Variants in CAMK1D observed in about 807,000 individuals in gnomAD.
CAMK1D encodes calcium/calmodulin dependent protein kinase ID.
Under a neutral mutation model 47.7 loss-of-function variants are expected in CAMK1D, and 9 were observed. That is an observed-to-expected ratio of 0.19 (90% confidence interval 0.11 to 0.33). The LOEUF is 0.33. CAMK1D is among the 10% of genes least tolerant of loss of function. CAMK1D has a pLI of 1.00. For synonymous variants in CAMK1D, 184 were observed against 184.9 expected (o/e 0.99, Z 0.04); for missense variants, 291 against 488.7 (o/e 0.60, Z 3.81).
At chr10:12,580,429 G>A (rs1299018226) in intron 2 of CAMK1D, among the ~76,000 whole-genome samples, 1 of 145,812 alleles carries the variant, frequency 6.9e-6, no homozygotes, top group East Asian at 2.1e-4. Context: ...AGTATTTGGT[G>A]TACAAAGCTA....
At chr10:12,359,269 G>A (rs1182533313) in intron 1 of CAMK1D, among the ~76,000 whole-genome samples, 1 of 152,236 alleles carries the variant, frequency 6.6e-6, no homozygotes, top group East Asian at 1.9e-4. Flanking sequence ...TGAGAGCCGT[G>A]TGTGGCACGT....
chr10:12,480,517 A>G (rs28449606), intron 1 of CAMK1D, among the ~76,000 whole-genome samples: 1 of 152,210 alleles, frequency 6.6e-6, no homozygotes, highest in South Asian at 2.1e-4. Context: ...AGGTACCTCT[A>G]ATAGCAATCC....
intron 3 of CAMK1D, among the ~76,000 whole-genome samples, chr10:12,742,324 G>A (rs1174315492): frequency 2.0e-5 from 3 of 151,968 alleles, no homozygotes; most frequent in African/African-American, 4.8e-5. Flanking sequence ...TAGTAGAGAC[G>A]GGGTCTCACC....
intron 1 of CAMK1D, among the ~76,000 whole-genome samples, chr10:12,392,525 A>T (rs192048529): frequency 9.1e-4 from 138 of 152,192 alleles, no homozygotes; most frequent in African/African-American, 3.1e-3. Flanking sequence ...ACATTATAGC[A>T]TTTGTCAGAA....
intron 8 of CAMK1D, among the ~76,000 whole-genome samples, chr10:12,817,724 T>C (rs1832853522): frequency 6.6e-6 from 1 of 152,192 alleles, no homozygotes; most frequent in Non-Finnish European, 1.5e-5. Flanking sequence ...AGATGGAGTC[T>C]CCGTCACCCA....
intron 2 of CAMK1D, among the ~76,000 whole-genome samples, chr10:12,588,803 CACACACAT>C (rs559141410): frequency 0.021 from 3,125 of 151,214 alleles, 105 homozygotes; most frequent in African/African-American, 0.072. Flanking sequence ...CACACACACA[CACACACAT>C]ACACACATGC....
At chr10:12,575,457 A>G (rs1299201994) in intron 2 of CAMK1D, among the ~76,000 whole-genome samples, 3 of 152,132 alleles carry the variant, frequency 2.0e-5, no homozygotes, top group African/African-American at 7.2e-5. Flanking sequence ...TGCTTTCCAA[A>G]TGTCCATCTC....
chr10:12,362,658 T>C (rs1160439546), intron 1 of CAMK1D, among the ~76,000 whole-genome samples: 2 of 151,956 alleles, frequency 1.3e-5, no homozygotes, highest in Admixed American at 6.6e-5. Flanking sequence ...CCATGATGCC[T>C]GGCTAATTTT....
intron 2 of CAMK1D, among the ~76,000 whole-genome samples, chr10:12,600,007 G>C (rs1460520866): frequency 6.6e-6 from 1 of 152,174 alleles, no homozygotes; most frequent in Non-Finnish European, 1.5e-5. Flanking sequence ...TAGGAGGCTG[G>C]GGCAGGAGGA....
At chr10:12,671,105 A>T (rs1840603048) in intron 3 of CAMK1D, among the ~76,000 whole-genome samples, 1 of 152,206 alleles carries the variant, frequency 6.6e-6, no homozygotes, top group South Asian at 2.1e-4. Context: ...TTACAAGATT[A>T]ATCCATATTG....
At chr10:12,405,819 T>C (rs1383198402) in intron 1 of CAMK1D, among the ~76,000 whole-genome samples, 1 of 152,250 alleles carries the variant, frequency 6.6e-6, no homozygotes, top group Admixed American at 6.5e-5. Context: ...TTGTTAAACA[T>C]TTATTACAAG....
intron 1 of CAMK1D, among the ~76,000 whole-genome samples, chr10:12,429,583 A>C (rs911691040): frequency 2.0e-5 from 3 of 151,582 alleles, no homozygotes; most frequent in African/African-American, 7.3e-5. Context: ...CAGGTGATCC[A>C]CTCACCTCAG....
chr10:12,373,609 G>T (rs1010606509), intron 1 of CAMK1D, among the ~76,000 whole-genome samples: 1 of 152,184 alleles, frequency 6.6e-6, no homozygotes, highest in East Asian at 1.9e-4. Context: ...TCCAGCCCGG[G>T]TGACAGAGGG....
chr10:12,812,820 G>A (rs1464873461), intron 6 of CAMK1D, among the ~76,000 whole-genome samples: 1 of 152,146 alleles, frequency 6.6e-6, no homozygotes, highest in Non-Finnish European at 1.5e-5. Flanking sequence ...CCCCAAGCAT[G>A]TTCTAGGTCT....
At chr10:12,803,291 GGCT>G (rs1838564324) in intron 6 of CAMK1D, among the ~76,000 whole-genome samples, 1 of 152,206 alleles carries the variant, frequency 6.6e-6, no homozygotes, top group East Asian at 1.9e-4. Flanking sequence ...ATTTAAATAA[GGCT>G]GGACTATGGA....
At chr10:12,749,590 G>T (rs1325432562) in intron 3 of CAMK1D, among the ~76,000 whole-genome samples, 3 of 130,342 alleles carry the variant, frequency 2.3e-5, no homozygotes, top group African/African-American at 6.0e-5. Flanking sequence ...ATGAAGTCTC[G>T]CTCTGTCACC....
chr10:12,812,995 A>G (rs1443511792), intron 6 of CAMK1D, among the ~76,000 whole-genome samples: 1 of 152,238 alleles, frequency 6.6e-6, no homozygotes, highest in Non-Finnish European at 1.5e-5. Context: ...AACTGATTTC[A>G]GAACTGAAAT....
At chr10:12,672,711 T>G (rs985284819) in intron 3 of CAMK1D, among the ~76,000 whole-genome samples, 3 of 152,034 alleles carry the variant, frequency 2.0e-5, no homozygotes, top group African/African-American at 7.3e-5. Flanking sequence ...AATTTCAGGT[T>G]AATTTTATAT....
chr10:12,609,766 T>C (rs980657191), intron 2 of CAMK1D, among the ~76,000 whole-genome samples: 2 of 152,156 alleles, frequency 1.3e-5, no homozygotes, highest in African/African-American at 4.8e-5. Context: ...CACAGACTGG[T>C]ACCAGTGCAT....
Sources: gnomAD v4.1 joint callset for allele counts (sites outside exome capture counted in the v4.1 genomes callset) on GRCh38, gnomAD v4.1.1 for gene constraint, MANE v1.5 for transcripts, NCBI Gene and HGNC (gene_info 2026-07-23, HGNC 2026-07-21) for gene names.